The following PTPRK variants were observed in gnomAD, a reference collection of about 807,000 sequenced individuals.
PTPRK encodes receptor-type tyrosine-protein phosphatase kappa.
Under a neutral mutation model 178.0 loss-of-function variants are expected in PTPRK, and 75 were observed. That is an observed-to-expected ratio of 0.42 (90% CI 0.35 to 0.51). The LOEUF is 0.51. Among genes scored for constraint, PTPRK ranks in the 20% least tolerant of loss-of-function variants. The pLI is 0.02. For synonymous variants in PTPRK, 637 were observed against 620.6 expected (o/e 1.03, Z -0.39); for missense variants, 1,441 against 1,797.8 (o/e 0.80, Z 3.59).
intron 13 of PTPRK, among the ~76,000 whole-genome samples, chr6:128,061,639 T>C (rs1780839687): frequency 6.6e-6 from 1 of 152,126 alleles, no homozygotes; most frequent in Admixed American, 6.6e-5. Context: ...AAAGGTCCTT[T>C]CTAGACCCTT....
intron 2 of PTPRK, among the ~76,000 whole-genome samples, chr6:128,350,224 C>T (rs889808444): frequency 6.6e-6 from 1 of 152,060 alleles, no homozygotes; most frequent in Admixed American, 6.6e-5. Context: ...ACAGGGCACC[C>T]ATGGGCTAGC....
intron 1 of PTPRK, among the ~76,000 whole-genome samples, chr6:128,452,485 C>T (rs1230863175): frequency 6.6e-6 from 1 of 152,066 alleles, no homozygotes; most frequent in Non-Finnish European, 1.5e-5. Flanking sequence ...ACCTAAGCTT[C>T]AATCGCTGGG....
intron 1 of PTPRK, among the ~76,000 whole-genome samples, chr6:128,461,697 C>CTCT (rs1301538899): frequency 6.6e-6 from 1 of 152,158 alleles, no homozygotes; most frequent in Non-Finnish European, 1.5e-5. Context: ...AATCACCACT[C>CTCT]TCTGATTTTA....
chr6:128,271,601 T>C (rs1384330852), intron 3 of PTPRK, among the ~76,000 whole-genome samples: 4 of 152,110 alleles, frequency 2.6e-5, no homozygotes, highest in African/African-American at 7.2e-5. Flanking sequence ...AAATCCCTAC[T>C]GGCAGCCTGG....
intron 25 of PTPRK, 82 bp downstream of exon 25, chr6:127,981,034 C>T (rs1266388250): frequency 7.8e-6 from 10 of 1,286,974 alleles, no homozygotes; most frequent in Admixed American, 2.5e-5. Context: ...TTAATTTCCT[C>T]GAAAAGAAAA....
intron 13 of PTPRK, among the ~76,000 whole-genome samples, chr6:128,049,893 T>C (rs1778706458): frequency 6.6e-6 from 1 of 152,290 alleles, no homozygotes; most frequent in African/African-American, 2.4e-5. Context: ...TCCCAGCACT[T>C]TGGGAGGCCA....
intron 7 of PTPRK, among the ~76,000 whole-genome samples, chr6:128,158,586 A>C (rs1042970829): frequency 2.0e-5 from 3 of 151,880 alleles, no homozygotes; most frequent in African/African-American, 7.2e-5. Context: ...TCCACAATAC[A>C]CAGACACTTC....
intron 1 of PTPRK, among the ~76,000 whole-genome samples, chr6:128,510,864 T>C (rs1049413736): frequency 6.6e-6 from 1 of 151,808 alleles, no homozygotes; most frequent in Non-Finnish European, 1.5e-5. Flanking sequence ...GAAAATGATA[T>C]ATATATAGTA....
At chr6:128,505,941 T>C (rs1856268372) in intron 1 of PTPRK, among the ~76,000 whole-genome samples, 1 of 152,166 alleles carries the variant, frequency 6.6e-6, no homozygotes, top group South Asian at 2.1e-4. Flanking sequence ...GGGGTTCAAA[T>C]AGATTTGAAA....
At chr6:128,241,799 G>A (rs1005498498) in intron 4 of PTPRK, among the ~76,000 whole-genome samples, 1 of 70,454 alleles carries the variant, frequency 1.4e-5, no homozygotes, top group Non-Finnish European at 2.7e-5. Context: ...TTTTTTTTTT[G>A]AGACGGAGTC....
chr6:128,454,759 T>C (rs1215774012), intron 1 of PTPRK, among the ~76,000 whole-genome samples: 1 of 152,176 alleles, frequency 6.6e-6, no homozygotes, highest in Non-Finnish European at 1.5e-5. Context: ...TTACCTTCTG[T>C]CTGAAGGAAA....
chr6:127,972,453 A>G (rs1774038826), intron 29 of PTPRK, among the ~76,000 whole-genome samples: 1 of 152,156 alleles, frequency 6.6e-6, no homozygotes, highest in Admixed American at 6.5e-5. Context: ...ACACATACCT[A>G]TCAGCTCTTA....
At chr6:128,500,784 A>C (rs1219661876) in intron 1 of PTPRK, 1 of 152,218 alleles carries the variant, frequency 6.6e-6, no homozygotes, top group East Asian at 1.9e-4. Flanking sequence ...TGTTTTGCAC[A>C]GTCTGAGGAA....
intron 2 of PTPRK, among the ~76,000 whole-genome samples, chr6:128,366,959 G>C (rs1447992645): frequency 2.0e-5 from 3 of 152,048 alleles, no homozygotes; most frequent in Admixed American, 6.6e-5. Context: ...TTAGAAGATA[G>C]ATATCTTCAT....
intron 5 of PTPRK, among the ~76,000 whole-genome samples, chr6:128,229,723 A>G (rs145547952): frequency 6.6e-6 from 1 of 152,228 alleles, no homozygotes; most frequent in African/African-American, 2.4e-5. Context: ...AATAGAAATA[A>G]TAATTGCAAC....
chr6:128,146,924 T>G (rs952411348), intron 7 of PTPRK, among the ~76,000 whole-genome samples: 1 of 152,190 alleles, frequency 6.6e-6, no homozygotes, highest in African/African-American at 2.4e-5. Context: ...AAGTATCATA[T>G]AATTGCTTCA....
intron 2 of PTPRK, among the ~76,000 whole-genome samples, chr6:128,359,651 C>A (rs1834454063): frequency 6.6e-6 from 1 of 151,940 alleles, no homozygotes; most frequent in Middle Eastern, 3.2e-3. Flanking sequence ...ACTTGGGAGG[C>A]TGAGACAGAA....
chr6:128,082,961 CAG>C (rs1380488723), intron 9 of PTPRK, among the ~76,000 whole-genome samples: 5 of 151,974 alleles, frequency 3.3e-5, no homozygotes, highest in African/African-American at 4.8e-5. Context: ...ATATGAAACA[CAG>C]AAAGTGTTTC....
intron 3 of PTPRK, among the ~76,000 whole-genome samples, chr6:128,266,144 T>C (rs76594171): frequency 0.043 from 6,576 of 152,222 alleles, 193 homozygotes; most frequent in Non-Finnish European, 0.068. Flanking sequence ...GTGACTAAGC[T>C]AGCACACACA....
Sources: allele counts gnomAD v4.1 joint callset (sites outside exome capture counted in the v4.1 genomes callset), GRCh38; gene constraint gnomAD v4.1.1; transcripts MANE v1.5; gene names NCBI Gene and HGNC (gene_info 2026-07-23, HGNC 2026-07-21).